KANK4: variants seen among roughly 807,000 people sequenced by gnomAD.
The protein encoded by KANK4 is KN motif and ankyrin repeat domain-containing protein 4.
In KANK4, 50 loss-of-function variants were observed where a neutral mutation model predicts 80.8. The ratio of observed to expected loss-of-function variants is 0.62; its 90% confidence interval spans 0.49 to 0.78. The LOEUF (loss-of-function observed/expected upper bound fraction) is 0.78. Among genes scored for constraint, KANK4 ranks in the 30% least tolerant of loss-of-function variants. The pLI, the probability that KANK4 is intolerant of heterozygous loss-of-function variation, is 0.00. For missense variants in KANK4, 1,196 were observed against 1,240.1 expected (o/e 0.96, Z 0.53); for synonymous variants, 465 against 506.9 (o/e 0.92, Z 1.11).
rs957575057 is a variant in KANK4, at chr1:62,239,414, C to G, written c.2884-1033G>C. On this transcript the variant is annotated intron_variant, in intron 9 of 9. Transcript: ENST00000371153. ...AATTATGGAAATATTCCATAACTTC[C>G]TTTCAGTGGAAATGTATGTTGTTTC... Among the ~76,000 whole-genome samples, 13 of 152,126 alleles carry G rather than the reference C, an allele frequency of 8.5e-5. No homozygotes were observed. In the East Asian group the frequency reaches 2.5e-3, roughly 29 times the overall value.
chr1:62,254,333 G>A (rs1671697917), intron 7 of KANK4, among the ~76,000 whole-genome samples: 1 of 152,152 alleles, frequency 6.6e-6, no homozygotes, highest in Admixed American at 6.5e-5. Flanking sequence ...TGCAACTTCT[G>A]CCTCCCGGGT....
intron 1 of KANK4, among the ~76,000 whole-genome samples, chr1:62,314,484 C>T (rs887777966): frequency 1.3e-5 from 2 of 152,110 alleles, no homozygotes; most frequent in Non-Finnish European, 2.9e-5. Context: ...CGAGAGCTGG[C>T]GTCTCCGGGC....
rs139630654 is a variant in KANK4 at position 62,311,532 on chromosome 1, C to A, written c.-71+7574G>T. ...TCCTCCCTCCTCCTCCTTTGCATAC[C>A]CTCCATTTCAGAACCCACTTCAAAG... is the stretch of plus-strand genomic sequence containing the variant. On this transcript the variant is annotated intron_variant, in intron 1 of 9. Transcript: ENST00000371153. Among the ~76,000 whole-genome samples, 269 of 152,258 alleles carry A rather than the reference C, an allele frequency of 1.8e-3. 2 individuals are homozygous for A. Among genetic ancestry groups the A allele is most frequent in the African/African-American group, 6.3e-3 (260 of 41,552 alleles).
At chr1:62,250,574 C>T (rs757717681) in intron 8 of KANK4, among the ~76,000 whole-genome samples, 17 of 152,192 alleles carry the variant, frequency 1.1e-4, no homozygotes, top group Non-Finnish European at 2.5e-4. Flanking sequence ...ATGGCTGCAG[C>T]TATGCATTCT....
At position 62,273,647 on chromosome 1, in the gene KANK4, A is replaced by T; in HGVS notation, c.1457T>A (p.Val486Asp). ...QLSLPQGPEQ[V>D]LTSSVHSFLS... is the part of the protein sequence containing the mutation. The stretch of plus-strand genomic sequence containing the variant: ...GAAGCTATGTACAGAGGAGGTAAGG[A>T]CCTGCTCGGGTCCCTGTGGCAGTGA... Residue 486 changes from valine (V) to aspartate (D), a missense_variant, in exon 3 of 10, where the codon GTC (valine) becomes GAC (aspartate). By Grantham distance (152) the Val-to-Asp change is radical (BLOSUM62 -3). Coordinates refer to ENST00000371153, the MANE Select transcript of KANK4 (RefSeq NM_181712.5). 1 of 1,614,076 alleles carries T rather than the reference A, an allele frequency of 6.2e-7. No individual in the cohort carries two copies. The highest frequency in any genetic ancestry group is 8.5e-7 in the Non-Finnish European group (1 of 1,180,006).
intron 8 of KANK4, among the ~76,000 whole-genome samples, chr1:62,252,004 A>AT (rs1349410658): frequency 1.6e-4 from 24 of 151,720 alleles, no homozygotes; most frequent in African/African-American, 5.6e-4. Flanking sequence ...AAAAAAAAAA[A>AT]AAAGATTCAG....
At chr1:62,268,553 C>G in intron 4 of KANK4, 48 bp from the exon 5 acceptor site, 1 of 1,477,386 alleles carries the variant, frequency 6.8e-7, no homozygotes, top group Non-Finnish European at 9.4e-7. Context: ...CTGCCCAGTG[C>G]CCATGTCAAC....
chr1:62,266,812 G>T lies in KANK4; in HGVS notation c.2239C>A (p.Pro747Thr), dbSNP rs763618836. The change falls in exon 6 of 10, where the codon CCC (proline) becomes ACC (threonine). Residue 747 changes from proline to threonine, a missense_variant. Pro to Thr is a conservative substitution (Grantham distance 38). This residue lies in a region of KANK4 where 1,154 missense variants were observed against 1,179.6 expected (regional missense o/e 0.98). Transcript: ENST00000371153. ...CATGCATTAAGAAATTCTTCTGAGG[G>T]TTTATATCTAAATAAAACAAACATA... is the stretch of plus-strand genomic sequence containing the variant. Reference protein sequence around the residue: ...VPHSKAERYKPSEEFLNACRA... With the variant: ...VPHSKAERYKTSEEFLNACRA... The T allele has an allele frequency of 2.2e-5, 35 of 1,602,668 alleles. No homozygotes were observed. The highest frequency in any genetic ancestry group is 2.9e-5 in the Non-Finnish European group (34 of 1,170,454).
chr1:62,246,294 G>C (rs1671464265), intron 9 of KANK4, among the ~76,000 whole-genome samples: 1 of 152,180 alleles, frequency 6.6e-6, no homozygotes, highest in Non-Finnish European at 1.5e-5. Flanking sequence ...AGGCTGGCTC[G>C]ATGGAATGGG....
At chr1:62,271,268 A>G (rs1013725874) in intron 4 of KANK4, among the ~76,000 whole-genome samples, 36 of 152,240 alleles carry the variant, frequency 2.4e-4, no homozygotes, top group Non-Finnish European at 1.3e-4. Flanking sequence ...AAGCCAAGAC[A>G]TATTAAAAGC....
intron 1 of KANK4, among the ~76,000 whole-genome samples, chr1:62,283,549 C>T (rs1672496885): frequency 6.6e-6 from 1 of 152,180 alleles, no homozygotes; most frequent in Admixed American, 6.5e-5. Context: ...TATGACTGAT[C>T]TTTAATTCCC....
chr1:62,251,503 T>TGAG (rs1345733134), intron 8 of KANK4, among the ~76,000 whole-genome samples: 2 of 152,166 alleles, frequency 1.3e-5, no homozygotes, highest in Non-Finnish European at 2.9e-5. Context: ...AATGACCTTT[T>TGAG]GAGGAGTCCC....
intron 2 of KANK4, among the ~76,000 whole-genome samples, chr1:62,279,206 A>G (rs1195259727): frequency 6.0e-4 from 25 of 41,336 alleles, no homozygotes; most frequent in African/African-American, 1.2e-3. Context: ...GCGCACACAC[A>G]CACACACACA....
rs1008218754 is a variant in KANK4 at position 62,240,609 on chromosome 1, C to T, written c.2884-2228G>A. On this transcript the variant is annotated intron_variant, in intron 9 of 9. Transcript: ENST00000371153. ...GCTTGAAACTGGGAGGCAGAGGTTG[C>T]GGTGAGACAAGATTGCGCCATTGCA... is the stretch of plus-strand genomic sequence containing the variant. Among the ~76,000 whole-genome samples, 10 of 152,186 alleles carry T rather than the reference C, an allele frequency of 6.6e-5. No homozygotes were observed. The East Asian group carries it at 9.6e-4, about 15-fold the overall frequency.
intron 7 of KANK4, among the ~76,000 whole-genome samples, chr1:62,256,565 C>T (rs1185976827): frequency 2.6e-5 from 4 of 151,926 alleles, no homozygotes; most frequent in African/African-American, 9.7e-5. Context: ...GTAGTTTTAG[C>T]AGAGATGGGG....
chr1:62,303,218 T>C (rs939706956), intron 1 of KANK4, among the ~76,000 whole-genome samples: 2 of 149,714 alleles, frequency 1.3e-5, no homozygotes, highest in African/African-American at 5.1e-5. Context: ...TCAAAGGGCA[T>C]GGATTTAATG....
intron 8 of KANK4, among the ~76,000 whole-genome samples, chr1:62,252,266 G>T (rs1488636357): frequency 6.6e-6 from 1 of 152,230 alleles, no homozygotes; most frequent in Non-Finnish European, 1.5e-5. Context: ...TGAATCTCTG[G>T]CTATTACATT....
chr1:62,308,370 CAA>C (rs937448129), intron 1 of KANK4, among the ~76,000 whole-genome samples: 1 of 152,108 alleles, frequency 6.6e-6, no homozygotes, highest in Non-Finnish European at 1.5e-5. Context: ...GCAGTCAGGA[CAA>C]GAGCAGGGGT....
intron 1 of KANK4, among the ~76,000 whole-genome samples, chr1:62,303,213 G>A (rs909506011): frequency 2.0e-5 from 3 of 150,486 alleles, no homozygotes; most frequent in Admixed American, 6.6e-5. Context: ...TGAAGTCAAA[G>A]GGCATGGATT....
Sources: gnomAD v4.1 joint callset for allele counts (sites outside exome capture counted in the v4.1 genomes callset) on GRCh38, gnomAD v4.1.1 for gene constraint, gnomAD v4.1.1 regional missense constraint, MANE v1.5 for transcripts, NCBI Gene and HGNC (gene_info 2026-07-23, HGNC 2026-07-21) for gene names.